Variants in CD72 observed in about 807,000 individuals in gnomAD.
The protein encoded by CD72 is CD72 molecule, also known as B-cell differentiation antigen CD72.
CD72 carries 28 observed loss-of-function variants against 50.7 expected under a neutral mutation model. The ratio of observed to expected loss-of-function variants is 0.55; its 90% CI spans 0.41 to 0.76. The LOEUF (loss-of-function observed/expected upper bound fraction) is 0.76, where lower values mean the gene tolerates loss of function less well. Among genes scored for constraint, CD72 ranks in the 30% least tolerant of loss-of-function variants. CD72 has a pLI of 0.00. For missense variants in CD72, 403 were observed against 420.6 expected (o/e 0.96, Z 0.37); for synonymous variants, 176 against 171.2 (o/e 1.03, Z -0.22).
At position 35,618,404 on chromosome 9, in the gene CD72, C is replaced by A. The variant is rs1823101969; in HGVS notation, c.-101G>T. On this transcript the variant is annotated 5_prime_UTR_variant, in exon 1 of 9. Transcript: ENST00000259633. ...TTTACAACTAGGCTCTGTGTTCCCT[C>A]TGTGACTGCACGGCTTAGCAATTGG... The A allele has an allele frequency of 1.9e-6, 3 of 1,571,270 alleles. No homozygotes were observed. Among genetic ancestry groups the A allele is most frequent in the Non-Finnish European group, 2.6e-6 (3 of 1,159,128 alleles).
rs376156810 is a variant in CD72 at position 35,633,256 on chromosome 9, T to C, written n.408+13147A>G. On this transcript the variant is annotated intron_variant and non_coding_transcript_variant, in intron 1 of 3. Coordinates refer to the CD72 transcript ENST00000465754. ...TGTGCCTGGGCCTTCTTAGTATTTT[T>C]GTTTTTTGTTTTTTTTTTTTCATTT... Among the ~76,000 whole-genome samples the C allele has an allele frequency of 7.3e-5, 11 of 151,178 alleles. No individual in the cohort carries two copies. The East Asian group carries it at 7.7e-4, about 11-fold the overall frequency.
At chr9:35,612,816 C>T in intron 6 of CD72, 32 bp downstream of exon 6, 5 of 1,602,656 alleles carry the variant, frequency 3.1e-6, no homozygotes, top group Non-Finnish European at 4.3e-6. Context: ...CTAATAGTAC[C>T]CACTGCAGTC....
chr9:35,627,292 A>AT (rs1248801711), intron 1 of CD72, among the ~76,000 whole-genome samples: 24 of 149,302 alleles, frequency 1.6e-4, no homozygotes, highest in African/African-American at 5.7e-4. Context: ...GACAGGCTAA[A>AT]TTTTTTTTTG....
upstream of CD72, among the ~76,000 whole-genome samples, chr9:35,622,786 CAAA>C (rs898134466): frequency 2.0e-5 from 3 of 148,362 alleles, no homozygotes; most frequent in Admixed American, 6.7e-5. Flanking sequence ...GACTCTGTCT[CAAA>C]AAAAATAATA....
intron 1 of CD72, among the ~76,000 whole-genome samples, chr9:35,629,949 T>C (rs1323170106): frequency 6.6e-6 from 1 of 152,250 alleles, no homozygotes. Context: ...TTCTCTGTTT[T>C]ATTCCACTGA....
At chr9:35,617,724 G>C (rs922249552) in intron 2 of CD72, among the ~76,000 whole-genome samples, 1 of 152,090 alleles carries the variant, frequency 6.6e-6, no homozygotes, top group African/African-American at 2.4e-5. Context: ...CTATTCTTCT[G>C]TTTCCTAAGA....
intron 1 of CD72, among the ~76,000 whole-genome samples, chr9:35,629,828 G>GTAGC (rs1342601113): frequency 6.6e-6 from 1 of 152,174 alleles, no homozygotes; most frequent in Non-Finnish European, 1.5e-5. Flanking sequence ...CCAGCACATG[G>GTAGC]TAGCACTCAG....
At chr9:35,642,372 G>C (rs1320329903) in intron 1 of CD72, 2 of 152,210 alleles carry the variant, frequency 1.3e-5, no homozygotes, top group Non-Finnish European at 2.9e-5. Flanking sequence ...CTTTAGCAGT[G>C]AGTATGCTGT....
intron 2 of CD72, among the ~76,000 whole-genome samples, chr9:35,617,694 G>T (rs1431400930): frequency 6.6e-6 from 1 of 152,076 alleles, no homozygotes; most frequent in Non-Finnish European, 1.5e-5. Flanking sequence ...TTCCTCCCCT[G>T]GCTCCCATTT....
intron 1 of CD72, among the ~76,000 whole-genome samples, chr9:35,638,910 A>C (rs1387800406): frequency 2.0e-5 from 3 of 152,264 alleles, no homozygotes; most frequent in Non-Finnish European, 4.4e-5. Flanking sequence ...TGACAAGCTA[A>C]AGGAAACTAC....
intron 5 of CD72, among the ~76,000 whole-genome samples, chr9:35,613,593 T>A (rs1408148176): frequency 6.6e-6 from 1 of 152,168 alleles, no homozygotes; most frequent in African/African-American, 2.4e-5. Flanking sequence ...CAGTCCTACC[T>A]TCATCACTCA....
chr9:35,615,611 G>A (rs771299053), intron 5 of CD72, among the ~76,000 whole-genome samples: 2 of 151,792 alleles, frequency 1.3e-5, no homozygotes, highest in East Asian at 1.9e-4. Context: ...TGTGCAAACC[G>A]CCAAGTTCAC....
At chr9:35,611,018 A>G (rs151338506) in intron 7 of CD72, among the ~76,000 whole-genome samples, 3,481 of 152,214 alleles carry the variant, frequency 0.023, 126 homozygotes, top group African/African-American at 0.076. Context: ...TTGGGAGGCC[A>G]AGGCGGGTGG....
intron 1 of CD72, among the ~76,000 whole-genome samples, chr9:35,625,934 A>G (rs867136331): frequency 6.6e-6 from 1 of 152,164 alleles, no homozygotes; most frequent in Non-Finnish European, 1.5e-5. Context: ...ATTACTGCTC[A>G]TTGGCAATGT....
chr9:35,627,530 T>C (rs1176685529), intron 1 of CD72, among the ~76,000 whole-genome samples: 1 of 152,144 alleles, frequency 6.6e-6, no homozygotes, highest in Non-Finnish European at 1.5e-5. Flanking sequence ...TATGCCTGTA[T>C]CTGCATGTTA....
chr9:35,638,040 G>A (rs527717154), intron 1 of CD72, among the ~76,000 whole-genome samples: 20 of 152,156 alleles, frequency 1.3e-4, no homozygotes, highest in African/African-American at 4.3e-4. Flanking sequence ...ATACAAACTC[G>A]AAAATAGTTC....
rs1246338982 is a variant in CD72, at chr9:35,616,083, C to T, written c.548G>A (p.Gly183Glu). Residue 183 changes from glycine (G) to glutamate (E), a missense_variant, in exon 5 of 9, where the codon GGG becomes GAG. By Grantham distance (98) the Gly-to-Glu change is moderately conservative (BLOSUM62 -2). Transcript: ENST00000259633. ...GTCTGCCTGGCAGGCCTGTAGCTGC[C>T]CTTCGGCCGCCTGATGAGCCCTCTG... Reference protein sequence around the residue: ...VEQRAHQAAEGQLQACQADRQ... With the variant: ...VEQRAHQAAEEQLQACQADRQ... 4 of 1,614,144 alleles carry T rather than the reference C, an allele frequency of 2.5e-6. No homozygotes were observed. Among genetic ancestry groups the T allele is most frequent in the Non-Finnish European group, 3.4e-6 (4 of 1,180,054 alleles).
upstream of CD72, chr9:35,618,691 TGG>T (rs1199551722): frequency 1.9e-5 from 19 of 988,268 alleles, no homozygotes; most frequent in Non-Finnish European, 2.5e-5. Flanking sequence ...ACCCTCCTCC[TGG>T]CTGCCTTGTC....
intron 1 of CD72, among the ~76,000 whole-genome samples, chr9:35,638,389 C>G (rs557995494): frequency 2.4e-4 from 37 of 152,240 alleles, no homozygotes; most frequent in African/African-American, 7.9e-4. Flanking sequence ...TCCGCTCCCC[C>G]ACCCTATAAC....
Sources: allele counts gnomAD v4.1 joint callset (sites outside exome capture counted in the v4.1 genomes callset), GRCh38; gene constraint gnomAD v4.1.1; transcripts MANE v1.5; gene names NCBI Gene and HGNC (gene_info 2026-07-23, HGNC 2026-07-21).